Variants in MTHFD2L observed in about 807,000 individuals in gnomAD.
The protein encoded by MTHFD2L is methylenetetrahydrofolate dehydrogenase (NADP+ dependent) 2 like.
Under a neutral mutation model 34.9 loss-of-function variants are expected in MTHFD2L, and 29 were observed. The observed-to-expected ratio is 0.83, with a 90% CI of 0.62 to 1.13. The LOEUF is 1.13. Ranked by LOEUF, MTHFD2L falls within the 50% of genes most tolerant of loss-of-function variation. The pLI is 0.00. For synonymous variants in MTHFD2L, 167 were observed against 155.7 expected, an observed-to-expected ratio of 1.07 and a Z score of -0.54; for missense variants, 481 against 446.5, an observed-to-expected ratio of 1.08 and a Z score of -0.70.
At chr4:74,151,155 T>G (rs928147501) in intron 1 of MTHFD2L, among the ~76,000 whole-genome samples, 1 of 152,130 alleles carries the variant, frequency 6.6e-6, no homozygotes, top group African/African-American at 2.4e-5. Flanking sequence ...GGTGCACTTT[T>G]TATACAGTTA....
At chr4:74,190,888 T>G (rs1037286296) in intron 3 of MTHFD2L, among the ~76,000 whole-genome samples, 2 of 152,196 alleles carry the variant, frequency 1.3e-5, no homozygotes, top group Non-Finnish European at 2.9e-5. Context: ...TTTGCCTCAC[T>G]TATATATTCA....
chr4:74,177,495 G>A (rs572709602), intron 3 of MTHFD2L, among the ~76,000 whole-genome samples: 1 of 151,944 alleles, frequency 6.6e-6, no homozygotes, highest in African/African-American at 2.4e-5. Context: ...ATGGCCAACA[G>A]GTATATGAAA....
rs1385343868 is a variant in MTHFD2L, at chr4:74,115,620, T to C, written c.-144+963T>C. 2.0e-5 allele frequency among the ~76,000 whole-genome samples: 3 copies of C among 152,268 alleles called. No homozygotes were observed. In the South Asian group the frequency reaches 6.2e-4, roughly 31 times the overall value. On this transcript the variant is annotated intron_variant and NMD_transcript_variant, in intron 2 of 9. Coordinates refer to the MTHFD2L transcript ENST00000429519. ...AAATTAGGAGCCCACTAGCTGTTAA[T>C]GAAGAGTGCTTTGCTTTCCTTTCAG...
At chr4:74,230,042 T>C (rs1739778728) in intron 6 of MTHFD2L, among the ~76,000 whole-genome samples, 1 of 152,200 alleles carries the variant, frequency 6.6e-6, no homozygotes, top group Non-Finnish European at 1.5e-5. Context: ...TTTGAGATTA[T>C]AACTACAATA....
chr4:74,238,706 A>G (rs1741217738), intron 6 of MTHFD2L, among the ~76,000 whole-genome samples: 2 of 152,224 alleles, frequency 1.3e-5, no homozygotes, highest in South Asian at 4.1e-4. Flanking sequence ...TCAAAAGAAG[A>G]CATTTATGCA....
upstream of MTHFD2L, among the ~76,000 whole-genome samples, chr4:74,118,996 A>G (rs1381958109): frequency 6.6e-6 from 1 of 152,154 alleles, no homozygotes; most frequent in African/African-American, 2.4e-5. Flanking sequence ...AGTGGTTGCA[A>G]ACACAGATTA....
At chr4:74,156,672 A>G (rs1435347149), upstream of MTHFD2L, 1 of 152,218 alleles carries the variant, frequency 6.6e-6, no homozygotes, top group African/African-American at 2.4e-5. Context: ...TTATTCACCA[A>G]CAATGAATGA....
At chr4:74,201,185 T>G in intron 4 of MTHFD2L, 78 bp from the exon 5 acceptor site, 1 of 984,530 alleles carries the variant, frequency 1.0e-6, no homozygotes, top group Non-Finnish European at 1.5e-6. Context: ...TTTAAAAGAA[T>G]GTTTCAGTTG....
chr4:74,158,422 T>A, intron 1 of MTHFD2L, 141 bp downstream of exon 1: 1 of 597,412 alleles, frequency 1.7e-6, no homozygotes, highest in Non-Finnish European at 2.1e-6. Context: ...GCCTTGTCTG[T>A]GAGGTGGCCT....
intron 6 of MTHFD2L, among the ~76,000 whole-genome samples, chr4:74,237,941 G>T (rs1741090237): frequency 6.6e-6 from 1 of 152,184 alleles, no homozygotes; most frequent in Non-Finnish European, 1.5e-5. Flanking sequence ...AAGCCTTTCT[G>T]TAGGTGAAGT....
intron 3 of MTHFD2L, among the ~76,000 whole-genome samples, chr4:74,196,485 G>T (rs904119165): frequency 2.0e-5 from 3 of 152,178 alleles, no homozygotes; most frequent in African/African-American, 7.2e-5. Context: ...TTACTATACG[G>T]ATGAGCTTGC....
chr4:74,215,221 G>A (rs185121551), intron 5 of MTHFD2L, among the ~76,000 whole-genome samples: 7 of 151,840 alleles, frequency 4.6e-5, no homozygotes, highest in Admixed American at 1.3e-4. Flanking sequence ...TCTCACTGAT[G>A]TTCCAAGCGA....
intron 6 of MTHFD2L, among the ~76,000 whole-genome samples, chr4:74,234,495 G>A (rs1176424113): frequency 1.3e-5 from 2 of 151,884 alleles, no homozygotes; most frequent in African/African-American, 2.4e-5. Flanking sequence ...GAATATGTAT[G>A]CTATTTCCAA....
rs79884525 is a variant in MTHFD2L, at chr4:74,261,890, A to G, written c.806-19535A>G. ...GTAGGGATAATAACATCTACATCATATATTGTTCTAAGGTCAAATAGAGAT... is the reference window on the plus strand; with the variant it reads ...GTAGGGATAATAACATCTACATCATGTATTGTTCTAAGGTCAAATAGAGAT... On this transcript the variant is annotated intron_variant, in intron 6 of 7. Transcript: ENST00000325278. 4.9e-4 allele frequency among the ~76,000 whole-genome samples: 74 copies of G among 152,194 alleles called. No individual in the cohort carries two copies. The East Asian group carries it at 8.9e-3, about 18-fold the overall frequency.
upstream of MTHFD2L, among the ~76,000 whole-genome samples, chr4:74,119,312 G>A (rs560450689): frequency 2.6e-5 from 4 of 152,166 alleles, no homozygotes; most frequent in South Asian, 2.1e-4. Flanking sequence ...ACTTCCATCC[G>A]CACCTCTTTC....
At position 74,190,456 on chromosome 4, in the gene MTHFD2L, G is replaced by A. The variant is rs184877630; in HGVS notation, c.452-9338G>A. 8.2e-5 allele frequency: 81 copies of A among 985,146 alleles called. No individual in the cohort carries two copies. The African/African-American group carries it at 1.1e-3, about 14-fold the overall frequency. 61.0% of individuals were successfully genotyped at this position (985,146 alleles called of 1,614,324 possible). A position where few individuals can be genotyped will look rare whatever the true frequency, so the allele number is the denominator to read the frequency against. On this transcript the variant is annotated intron_variant, in intron 3 of 7. Transcript: ENST00000325278. ...CTGAGGACATCCTGGGGCAGTTTTC[G>A]TGGCTGTAGGAGAGGCTCAGAAGGG... is the stretch of plus-strand genomic sequence containing the variant.
intron 7 of MTHFD2L, among the ~76,000 whole-genome samples, chr4:74,287,948 G>A (rs1030455061): frequency 1.6e-4 from 24 of 152,134 alleles, no homozygotes; most frequent in African/African-American, 5.8e-4. Flanking sequence ...CTGGAGGCTG[G>A]AAGTCCAGGA....
intron 6 of MTHFD2L, among the ~76,000 whole-genome samples, chr4:74,245,416 TTAAA>T (rs765387512): frequency 4.2e-4 from 64 of 152,034 alleles, no homozygotes; most frequent in Non-Finnish European, 8.1e-4. Context: ...TATAATATCA[TTAAA>T]TATAAGTCAT....
intron 1 of MTHFD2L, chr4:74,161,352 A>G (rs1448552683): frequency 6.6e-6 from 1 of 152,180 alleles, no homozygotes; most frequent in South Asian, 2.1e-4. Context: ...TGTCTCTTCT[A>G]ATGACTAGGA....
Sources: allele counts gnomAD v4.1 joint callset (sites outside exome capture counted in the v4.1 genomes callset), GRCh38; gene constraint gnomAD v4.1.1; transcripts MANE v1.5; gene names NCBI Gene and HGNC (gene_info 2026-07-23, HGNC 2026-07-21).